The following AUTS2 variants were observed in gnomAD, a reference collection of about 807,000 sequenced individuals.
The protein encoded by AUTS2 is autism susceptibility gene 2 protein.
AUTS2 carries 17 observed loss-of-function variants against 112.4 expected under a neutral mutation model. That is an observed-to-expected ratio of 0.15 (90% CI 0.10 to 0.23). The LOEUF (loss-of-function observed/expected upper bound fraction) is 0.23, where lower values mean the gene tolerates loss of function less well. Among genes scored for constraint, AUTS2 ranks in the 10% least tolerant of loss-of-function variants. The pLI, the probability that AUTS2 is intolerant of heterozygous loss-of-function variation, is 1.00. For missense variants in AUTS2, 1,510 were observed against 1,701.6 expected (o/e 0.89, Z 1.98); for synonymous variants, 751 against 702.7 (o/e 1.07, Z -1.09).
At chr7:70,244,203 C>T (rs1221041641) in intron 4 of AUTS2, among the ~76,000 whole-genome samples, 1 of 151,950 alleles carries the variant, frequency 6.6e-6, no homozygotes, top group Non-Finnish European at 1.5e-5. Context: ...TGTTTATTTC[C>T]TCACACACTA....
intron 5 of AUTS2, among the ~76,000 whole-genome samples, chr7:70,563,526 A>C (rs1033362344): frequency 2.2e-4 from 34 of 152,202 alleles, no homozygotes; most frequent in African/African-American, 8.2e-4. Context: ...TTCTCACTTC[A>C]GGACATTATC....
intron 1 of AUTS2, among the ~76,000 whole-genome samples, chr7:69,850,326 A>T (rs887506595): frequency 6.8e-6 from 1 of 146,572 alleles, no homozygotes; most frequent in Non-Finnish European, 1.5e-5. Flanking sequence ...AAAACAAAAA[A>T]ACCCGGAGGT....
At chr7:70,185,310 C>T (rs551033121) in intron 4 of AUTS2, among the ~76,000 whole-genome samples, 8 of 125,964 alleles carry the variant, frequency 6.4e-5, no homozygotes, top group South Asian at 2.6e-4. Flanking sequence ...TCCTATGTTG[C>T]GCTCGCTAGT....
rs531047794 is a variant in AUTS2 at position 70,458,061 on chromosome 7, T to A, written c.690+22280T>A. ...CAACCGCCAAATTCCCTTTCAAGGGTGTTACTTAGTAAACATGAGCCCTTG... is the reference window on the plus strand; with the variant it reads ...CAACCGCCAAATTCCCTTTCAAGGGAGTTACTTAGTAAACATGAGCCCTTG... On this transcript the variant is annotated intron_variant, in intron 5 of 18. Transcript: ENST00000342771. 2.6e-5 allele frequency among the ~76,000 whole-genome samples: 4 copies of A among 152,110 alleles called. No homozygotes were observed. In the East Asian group the frequency reaches 7.7e-4, roughly 29 times the overall value.
At chr7:70,311,661 A>G (rs949669715) in intron 4 of AUTS2, among the ~76,000 whole-genome samples, 1 of 151,920 alleles carries the variant, frequency 6.6e-6, no homozygotes, top group Non-Finnish European at 1.5e-5. Flanking sequence ...CATTCAAGCG[A>G]TTCTTGTGCC....
intron 1 of AUTS2, among the ~76,000 whole-genome samples, chr7:69,713,767 G>A (rs1418010128): frequency 1.3e-5 from 2 of 152,040 alleles, no homozygotes; most frequent in African/African-American, 2.4e-5. Flanking sequence ...GGCCTTAAGA[G>A]TTCTTTACGT....
chr7:70,508,469 G>A (rs540866078), intron 5 of AUTS2, among the ~76,000 whole-genome samples: 5 of 152,210 alleles, frequency 3.3e-5, no homozygotes, highest in South Asian at 4.2e-4. Flanking sequence ...TCTTACTTCC[G>A]CATATTGAAA....
intron 1 of AUTS2, among the ~76,000 whole-genome samples, chr7:69,664,069 T>C (rs1433555516): frequency 2.0e-5 from 3 of 152,224 alleles, no homozygotes; most frequent in Non-Finnish European, 4.4e-5. Context: ...CACACTGCAG[T>C]TGTGGTTCCG....
intron 2 of AUTS2, among the ~76,000 whole-genome samples, chr7:70,061,978 G>T (rs1177049206): frequency 1.3e-5 from 2 of 151,322 alleles, no homozygotes; most frequent in African/African-American, 4.9e-5. Context: ...AGTAGAGATG[G>T]GATTTTGCCA....
chr7:70,036,907 AACAGGTTCTT>A (rs1801029786), intron 2 of AUTS2, among the ~76,000 whole-genome samples: 3 of 152,234 alleles, frequency 2.0e-5, no homozygotes, highest in Non-Finnish European at 4.4e-5. Context: ...TGCAAAAGGC[AACAGGTTCTT>A]TCCTTGTAAA....
At chr7:70,716,133 G>A (rs528543761) in intron 6 of AUTS2, among the ~76,000 whole-genome samples, 2 of 152,176 alleles carry the variant, frequency 1.3e-5, no homozygotes, top group African/African-American at 2.4e-5. Flanking sequence ...GGCTGCCCAC[G>A]TATATTGAGT....
chr7:69,744,928 T>C (rs1787425327), intron 1 of AUTS2, among the ~76,000 whole-genome samples: 1 of 152,234 alleles, frequency 6.6e-6, no homozygotes, highest in African/African-American at 2.4e-5. Flanking sequence ...ACTTTTTTGC[T>C]GTTATCCTGT....
chr7:70,024,665 G>T (rs1167406317), intron 2 of AUTS2, among the ~76,000 whole-genome samples: 1 of 152,118 alleles, frequency 6.6e-6, no homozygotes, highest in African/African-American at 2.4e-5. Context: ...AATCTAAAGA[G>T]ATTTATTTTA....
At chr7:70,207,736 G>A (rs1349590420) in intron 4 of AUTS2, among the ~76,000 whole-genome samples, 2 of 152,144 alleles carry the variant, frequency 1.3e-5, no homozygotes, top group Non-Finnish European at 2.9e-5. Context: ...TACCGGCTGG[G>A]CATGGTGGCT....
chr7:70,004,421 T>TAA (rs1584561692), intron 2 of AUTS2, among the ~76,000 whole-genome samples: 1 of 25,292 alleles, frequency 4.0e-5, no homozygotes, highest in East Asian at 3.3e-3. Flanking sequence ...ATATAATATA[T>TAA]TATATATATA....
chr7:70,570,197 A>G (rs1801879424), intron 5 of AUTS2, among the ~76,000 whole-genome samples: 1 of 152,194 alleles, frequency 6.6e-6, no homozygotes, highest in Admixed American at 6.5e-5. Context: ...GAGGTAAGTT[A>G]TGATTCATAC....
At chr7:70,246,368 A>AT (rs1382143458) in intron 4 of AUTS2, among the ~76,000 whole-genome samples, 3 of 152,126 alleles carry the variant, frequency 2.0e-5, no homozygotes, top group Non-Finnish European at 4.4e-5. Context: ...ATCTTCATGT[A>AT]TGATGTGAGG....
chr7:69,755,920 A>T (rs1257222207), intron 1 of AUTS2, among the ~76,000 whole-genome samples: 6 of 152,218 alleles, frequency 3.9e-5, no homozygotes, highest in Non-Finnish European at 8.8e-5. Flanking sequence ...GAATGATTTT[A>T]TAGTTTGCTA....
At position 69,649,359 on chromosome 7, in the gene AUTS2, A is replaced by G. The variant is rs77061619; in HGVS notation, c.309+49397A>G. 8.6e-3 allele frequency among the ~76,000 whole-genome samples: 1,306 copies of G among 152,302 alleles called. 50 individuals carry two copies. In the East Asian group the frequency reaches 0.1, roughly 12 times the overall value. ...CTGTAGTCCAATGAGCTGGGTTCCA[A>G]ACTACCTCCTTTTGCCTGTTACATA... On this transcript the variant is annotated intron_variant, in intron 1 of 18. Coordinates refer to ENST00000342771, the MANE Select transcript of AUTS2 (RefSeq NM_015570.4).
Sources: allele counts gnomAD v4.1 joint callset (sites outside exome capture counted in the v4.1 genomes callset), GRCh38; gene constraint gnomAD v4.1.1; transcripts MANE v1.5; gene names NCBI Gene and HGNC (gene_info 2026-07-23, HGNC 2026-07-21).